Variants in ZFAT observed in about 807,000 individuals in gnomAD.
ZFAT encodes zinc finger and AT-hook domain containing.
In ZFAT, 64 loss-of-function variants were observed where a neutral mutation model predicts 117.7. That is an observed-to-expected ratio of 0.54 (90% CI 0.44 to 0.67). ZFAT has a LOEUF of 0.67. Ranked by LOEUF, ZFAT falls within the 30% of genes least tolerant of loss-of-function variation. The pLI is 0.00. For synonymous variants in ZFAT, 679 were observed against 615.0 expected (o/e 1.10, Z -1.54); for missense variants, 1,433 against 1,584.5 (o/e 0.90, Z 1.62).
At chr8:134,724,274 G>A in the ZFAT span, among the ~76,000 whole-genome samples, 12,033 of 152,232 alleles carry the variant, frequency 0.079, 663 homozygotes, top group African/African-American at 0.15. Context: ...GATGCAGTGA[G>A]CTCCAAGCCC....
intron 5 of ZFAT, among the ~76,000 whole-genome samples, chr8:134,607,735 T>C (rs1009461065): frequency 1.3e-5 from 2 of 152,244 alleles, no homozygotes; most frequent in African/African-American, 4.8e-5. Context: ...AACTGGCATT[T>C]TCTTTGTCTT....
intron 5 of ZFAT, among the ~76,000 whole-genome samples, chr8:134,607,906 T>G (rs1275286061): frequency 6.6e-6 from 1 of 152,194 alleles, no homozygotes; most frequent in Admixed American, 6.5e-5. Flanking sequence ...GGAGGACAGT[T>G]TTTAATGTCA....
At chr8:134,812,130 G>GC in the ZFAT span, among the ~76,000 whole-genome samples, 1 of 152,024 alleles carries the variant, frequency 6.6e-6, no homozygotes, top group Non-Finnish European at 1.5e-5. Context: ...GGCGACAAGA[G>GC]CAAGACTCTG....
intron 10 of ZFAT, among the ~76,000 whole-genome samples, chr8:134,583,143 G>GGCTCCCGA (rs1477103741): frequency 2.0e-5 from 3 of 151,432 alleles, no homozygotes; most frequent in Admixed American, 1.3e-4. Context: ...CTGCTCCCAG[G>GGCTCCCGA]GCTCCCGAGC....
At chr8:134,596,992 TA>T (rs199585160) in intron 7 of ZFAT, among the ~76,000 whole-genome samples, 4,647 of 144,142 alleles carry the variant, frequency 0.032, 215 homozygotes, top group African/African-American at 0.1. Flanking sequence ...GTGGATATAC[TA>T]AAAAAAAAAA....
chr8:134,747,817 T>G, the ZFAT span, among the ~76,000 whole-genome samples: 1 of 152,180 alleles, frequency 6.6e-6, no homozygotes. Context: ...GGCATCATCA[T>G]CATATTACCG....
chr8:134,665,607 T>C (rs993913369), intron 1 of ZFAT, among the ~76,000 whole-genome samples: 1 of 152,210 alleles, frequency 6.6e-6, no homozygotes, highest in Non-Finnish European at 1.5e-5. Context: ...TAGAAGTACA[T>C]GCTCATGGTA....
At chr8:134,503,422 C>A (rs759986736) in intron 15 of ZFAT, among the ~76,000 whole-genome samples, 1 of 152,190 alleles carries the variant, frequency 6.6e-6, no homozygotes, top group Non-Finnish European at 1.5e-5. Flanking sequence ...AAGCAAATAA[C>A]AGTTTTTCAC....
intron 1 of ZFAT, among the ~76,000 whole-genome samples, chr8:134,691,776 A>G (rs976468930): frequency 6.6e-6 from 1 of 152,242 alleles, no homozygotes; most frequent in African/African-American, 2.4e-5. Flanking sequence ...AATAGATTGT[A>G]AGCTCCAAAA....
the ZFAT span, among the ~76,000 whole-genome samples, chr8:134,820,485 A>C: frequency 1.3e-5 from 2 of 152,238 alleles, no homozygotes; most frequent in South Asian, 2.1e-4. Context: ...CTATGGTAAC[A>C]AATGTCCAAA....
intron 12 of ZFAT, 135 bp downstream of exon 12, chr8:134,532,699 G>A (rs1821509884): frequency 8.3e-7 from 1 of 1,210,370 alleles, no homozygotes; most frequent in African/African-American, 1.5e-5. Flanking sequence ...ACAACAATTA[G>A]GACGATGAAG....
chr8:134,705,739 A>G (rs1405624918), intron 1 of ZFAT, among the ~76,000 whole-genome samples: 1 of 150,866 alleles, frequency 6.6e-6, no homozygotes, highest in Non-Finnish European at 1.5e-5. Context: ...GGGTTTCACC[A>G]TGTTGGCCAA....
chr8:134,727,141 A>AC, the ZFAT span, among the ~76,000 whole-genome samples: 2 of 152,246 alleles, frequency 1.3e-5, no homozygotes, highest in East Asian at 3.9e-4. Context: ...GGAGAAAAAA[A>AC]AAAACAAAAC....
intron 1 of ZFAT, among the ~76,000 whole-genome samples, chr8:134,667,886 G>T (rs1372933040): frequency 6.6e-6 from 1 of 152,142 alleles, no homozygotes; most frequent in East Asian, 1.9e-4. Flanking sequence ...GACAGCACCT[G>T]GAAAATCGGG....
the ZFAT span, among the ~76,000 whole-genome samples, chr8:134,817,748 T>A: frequency 1.3e-5 from 2 of 152,036 alleles, no homozygotes; most frequent in Admixed American, 6.6e-5. Flanking sequence ...AAAAATAACT[T>A]TGAAAAAAAG....
the ZFAT span, chr8:134,793,841 T>C: frequency 6.6e-6 from 1 of 152,348 alleles, no homozygotes; most frequent in East Asian, 1.9e-4. Flanking sequence ...CCAGGTGGTT[T>C]AACCAATAAC....
intron 11 of ZFAT, chr8:134,564,958 C>T: frequency 8.2e-7 from 1 of 1,226,178 alleles, no homozygotes; most frequent in Non-Finnish European, 1.0e-6. Flanking sequence ...GGGTGGGCTT[C>T]ATCACACCTG....
chr8:134,783,892 G>C, the ZFAT span: 1 of 152,218 alleles, frequency 6.6e-6, no homozygotes, highest in Non-Finnish European at 1.5e-5. Context: ...GGGAAGCTGA[G>C]ACTTGGTGTC....
At chr8:134,649,134 C>T (rs1445611377) in intron 2 of ZFAT, among the ~76,000 whole-genome samples, 2 of 149,040 alleles carry the variant, frequency 1.3e-5, no homozygotes, top group African/African-American at 2.5e-5. Context: ...ATAAAAAGAG[C>T]TTCCTTAACC....
Sources: gnomAD v4.1 joint callset for allele counts (sites outside exome capture counted in the v4.1 genomes callset) on GRCh38, gnomAD v4.1.1 for gene constraint, MANE v1.5 for transcripts, NCBI Gene and HGNC (gene_info 2026-07-23, HGNC 2026-07-21) for gene names.